Variants in RNF13 observed in about 807,000 individuals in gnomAD.
RNF13 encodes ring finger protein 13, also known as E3 ubiquitin-protein ligase RNF13.
Under a neutral mutation model 37.7 loss-of-function variants are expected in RNF13, and 19 were observed. The ratio of observed to expected loss-of-function variants is 0.50; its 90% CI spans 0.35 to 0.74. The LOEUF is 0.74. Among genes scored for constraint, RNF13 ranks in the 30% least tolerant of loss-of-function variants. RNF13 has a pLI of 0.01. For missense variants in RNF13, 375 were observed against 453.0 expected (o/e 0.83, Z 1.56); for synonymous variants, 144 against 157.8 (o/e 0.91, Z 0.65).
intron 8 of RNF13, among the ~76,000 whole-genome samples, chr3:149,954,344 A>G (rs930298591): frequency 2.0e-5 from 3 of 152,176 alleles, no homozygotes; most frequent in African/African-American, 4.8e-5. Context: ...GAGAACTCCT[A>G]TAGGCTTAGA....
At chr3:149,815,911 AT>A (rs937705363) in intron 1 of RNF13, among the ~76,000 whole-genome samples, 4 of 150,054 alleles carry the variant, frequency 2.7e-5, no homozygotes, top group Non-Finnish European at 4.5e-5. Context: ...TTTCCTTTTT[AT>A]TTTTTTTTGG....
At chr3:149,866,544 T>A (rs1335058043) in intron 3 of RNF13, among the ~76,000 whole-genome samples, 1 of 152,196 alleles carries the variant, frequency 6.6e-6, no homozygotes, top group African/African-American at 2.4e-5. Flanking sequence ...AGTGCTGACC[T>A]CTTATCTCAT....
intron 4 of RNF13, among the ~76,000 whole-genome samples, chr3:149,889,253 T>C (rs1714395850): frequency 6.8e-6 from 1 of 147,472 alleles, no homozygotes; most frequent in African/African-American, 2.5e-5. Context: ...ATTTATTGAA[T>C]GAATAGATTA....
intron 8 of RNF13, among the ~76,000 whole-genome samples, chr3:149,935,437 ACTC>A (rs1329645040): frequency 6.7e-6 from 1 of 149,898 alleles, no homozygotes; most frequent in East Asian, 2.0e-4. Flanking sequence ...TTGTTTTGTA[ACTC>A]CTTTTTTACT....
chr3:149,868,604 C>T (rs1013331011), intron 3 of RNF13, among the ~76,000 whole-genome samples: 5 of 151,106 alleles, frequency 3.3e-5, no homozygotes, highest in African/African-American at 1.2e-4. Context: ...CAACCCTTCT[C>T]CTTCCCTCTC....
intron 4 of RNF13, among the ~76,000 whole-genome samples, chr3:149,872,810 C>G (rs16862283): frequency 0.031 from 4,752 of 152,210 alleles, 259 homozygotes; most frequent in African/African-American, 0.11. Flanking sequence ...ATAATTTGTC[C>G]GTTCAGCAAG....
At chr3:149,868,670 A>C (rs1711622361) in intron 3 of RNF13, among the ~76,000 whole-genome samples, 1 of 136,906 alleles carries the variant, frequency 7.3e-6, no homozygotes. Context: ...TTGTTATTCC[A>C]CTCCCTCCTG....
intron 8 of RNF13, among the ~76,000 whole-genome samples, chr3:149,949,101 A>G (rs897667099): frequency 7.3e-5 from 11 of 151,570 alleles, no homozygotes; most frequent in Non-Finnish European, 1.6e-4. Flanking sequence ...AGGATTCTAT[A>G]TTTGTCTATA....
intron 6 of RNF13, among the ~76,000 whole-genome samples, chr3:149,908,419 A>G (rs1303992706): frequency 6.6e-6 from 1 of 152,138 alleles, no homozygotes; most frequent in Non-Finnish European, 1.5e-5. Flanking sequence ...CTATTTTTTC[A>G]CATTTAATCC....
At chr3:149,900,507 C>A (rs1715714472) in intron 5 of RNF13, among the ~76,000 whole-genome samples, 1 of 151,902 alleles carries the variant, frequency 6.6e-6, no homozygotes, top group South Asian at 2.1e-4. Context: ...CCAGGAGTTA[C>A]AGGCTGTAGT....
intron 3 of RNF13, among the ~76,000 whole-genome samples, chr3:149,853,985 C>T (rs1401956979): frequency 6.6e-6 from 1 of 151,836 alleles, no homozygotes; most frequent in Non-Finnish European, 1.5e-5. Flanking sequence ...TAAGTGGGCA[C>T]CACCATGCCC....
At chr3:149,849,155 G>T (rs1240509971) in intron 2 of RNF13, among the ~76,000 whole-genome samples, 1 of 152,138 alleles carries the variant, frequency 6.6e-6, no homozygotes, top group Admixed American at 6.5e-5. Flanking sequence ...TGGAATTTTA[G>T]AATTGCACTT....
intron 8 of RNF13, among the ~76,000 whole-genome samples, chr3:149,957,780 A>C (rs1305732558): frequency 6.6e-6 from 1 of 152,228 alleles, no homozygotes; most frequent in Admixed American, 6.5e-5. Flanking sequence ...AATTATGTTA[A>C]TGTTTGTGTT....
intron 3 of RNF13, among the ~76,000 whole-genome samples, chr3:149,865,871 A>G (rs1724762549): frequency 6.6e-6 from 1 of 152,144 alleles, no homozygotes; most frequent in African/African-American, 2.4e-5. Context: ...ATCTCGTGCA[A>G]GAAAGAATTC....
chr3:149,812,985 C>G (rs1302332531), upstream of RNF13: 2 of 152,534 alleles, frequency 1.3e-5, no homozygotes, highest in Non-Finnish European at 2.9e-5. Flanking sequence ...CAGCCGCGCT[C>G]CAGTTCCGCA....
intron 8 of RNF13, among the ~76,000 whole-genome samples, chr3:149,926,680 G>T (rs962777509): frequency 6.6e-6 from 1 of 152,064 alleles, no homozygotes; most frequent in Non-Finnish European, 1.5e-5. Flanking sequence ...TTTATATAAG[G>T]GTATCCAGTT....
chr3:149,831,812 C>T (rs1190519812), intron 1 of RNF13, among the ~76,000 whole-genome samples: 1 of 152,034 alleles, frequency 6.6e-6, no homozygotes, highest in Non-Finnish European at 1.5e-5. Flanking sequence ...ATTCTAGTTG[C>T]CAGAATTCCT....
chr3:149,918,693 GTTT>G (rs71138423), intron 7 of RNF13, among the ~76,000 whole-genome samples: 1 of 132,392 alleles, frequency 7.6e-6, no homozygotes, highest in Non-Finnish European at 1.6e-5. Context: ...CCAGCTAATT[GTTT>G]TTTTTTTTTT....
intron 8 of RNF13, among the ~76,000 whole-genome samples, chr3:149,932,523 G>C (rs1037356690): frequency 6.6e-6 from 1 of 152,130 alleles, no homozygotes. Flanking sequence ...ATACAACAGT[G>C]GTGCAGGTAT....
Sources: allele counts gnomAD v4.1 joint callset (sites outside exome capture counted in the v4.1 genomes callset), GRCh38; gene constraint gnomAD v4.1.1; transcripts MANE v1.5; gene names NCBI Gene and HGNC (gene_info 2026-07-23, HGNC 2026-07-21).